Variants in CHRNA9 observed in about 807,000 individuals in gnomAD.
CHRNA9 encodes cholinergic receptor nicotinic alpha 9 subunit, also known as neuronal acetylcholine receptor subunit alpha-9.
In CHRNA9, 24 loss-of-function variants were observed where a neutral mutation model predicts 36.8. The observed-to-expected ratio is 0.65, with a 90% CI of 0.47 to 0.92. The LOEUF is 0.92. Ranked by LOEUF, CHRNA9 falls within the 40% of genes least tolerant of loss-of-function variation. The pLI, the probability that CHRNA9 is intolerant of heterozygous loss-of-function variation, is 0.00. For missense variants in CHRNA9, 610 were observed against 601.2 expected, an observed-to-expected ratio of 1.01 and a Z score of -0.15; for synonymous variants, 231 against 231.8, an observed-to-expected ratio of 1.00 and a Z score of 0.03.
chr4:40,353,376 A>T (rs1462613093), intron 4 of CHRNA9, among the ~76,000 whole-genome samples: 1 of 152,100 alleles, frequency 6.6e-6, no homozygotes, highest in Non-Finnish European at 1.5e-5. Context: ...CTGTAATCCC[A>T]GCTACTTGGG....
Position 40,351,464 on chromosome 4 carries a change from C to T in CHRNA9, c.898+2050C>T, listed in dbSNP as rs1320095790. 1.3e-5 allele frequency among the ~76,000 whole-genome samples: 2 copies of T among 152,078 alleles called. 1 individual carries two copies. The highest frequency in any genetic ancestry group is 4.1e-4 in the South Asian group (2 of 4,832). On this transcript the variant is annotated intron_variant, in intron 4 of 4. Coordinates refer to ENST00000310169, the MANE Select transcript of CHRNA9 (RefSeq NM_017581.4). ...GTGCTGGGATTACAGGTGTGAGCCA[C>T]CGCAACTGGCTGAAATTTATCTTTT...
At chr4:40,353,311 C>T (rs184112703) in intron 4 of CHRNA9, among the ~76,000 whole-genome samples, 1 of 152,078 alleles carries the variant, frequency 6.6e-6, no homozygotes, top group Non-Finnish European at 1.5e-5. Context: ...GCCAAGATGG[C>T]GAAACCCCCT....
chr4:40,339,279 C>CA (rs61634062), intron 3 of CHRNA9, among the ~76,000 whole-genome samples: 73 of 71,128 alleles, frequency 1.0e-3, no homozygotes, highest in Admixed American at 2.4e-3. Flanking sequence ...GACTCCATCT[C>CA]AAAAAAAAAA....
chr4:40,353,953 A>G (rs771362422), intron 4 of CHRNA9, 26 bp from the exon 5 acceptor site: 2 of 1,558,832 alleles, frequency 1.3e-6, no homozygotes, highest in Non-Finnish European at 8.7e-7. Context: ...AAGCAAATTC[A>G]GTTACGGTTG....
At chr4:40,344,148 G>C (rs139213032) in intron 3 of CHRNA9, among the ~76,000 whole-genome samples, 22 of 152,342 alleles carry the variant, frequency 1.4e-4, no homozygotes, top group African/African-American at 4.8e-4. Context: ...ATCTTCCCCT[G>C]GAGTCTCCAG....
chr4:40,352,136 A>G (rs1712818782), intron 4 of CHRNA9, among the ~76,000 whole-genome samples: 1 of 152,232 alleles, frequency 6.6e-6, no homozygotes, highest in South Asian at 2.1e-4. Context: ...TCCCATTTCT[A>G]TTAAAGTGTT....
At position 40,339,381 on chromosome 4, in the gene CHRNA9, A is replaced by T. The variant is rs865834190; in HGVS notation, c.365+2017A>T. Among the ~76,000 whole-genome samples the T allele has an allele frequency of 9.8e-3, 1,465 of 148,896 alleles. 35 individuals are homozygous for T. The highest frequency in any genetic ancestry group is 0.034 in the African/African-American group (1,381 of 40,500). ...AATTCTGTAAGTTCTTTTTTTTTTA[A>T]TTTTAAGACAGGGTCTGGGGGCCAG... On this transcript the variant is annotated intron_variant, in intron 3 of 4. Coordinates refer to ENST00000310169, the MANE Select transcript of CHRNA9 (RefSeq NM_017581.4).
intron 2 of CHRNA9, among the ~76,000 whole-genome samples, chr4:40,336,378 A>G (rs1408058841): frequency 6.6e-6 from 1 of 152,190 alleles, no homozygotes; most frequent in East Asian, 1.9e-4. Context: ...ATGATCTTGA[A>G]TTAGGCAGTG....
At chr4:40,350,555 C>G (rs912177991) in intron 4 of CHRNA9, among the ~76,000 whole-genome samples, 1 of 152,110 alleles carries the variant, frequency 6.6e-6, no homozygotes, top group Non-Finnish European at 1.5e-5. Flanking sequence ...AGAACACCAA[C>G]GAACTTAGAG....
chr4:40,350,985 T>C (rs1424490796), intron 4 of CHRNA9, among the ~76,000 whole-genome samples: 3 of 152,096 alleles, frequency 2.0e-5, no homozygotes, highest in South Asian at 2.1e-4. Context: ...ATGAAATTTA[T>C]CTTTTAAAAA....
intron 4 of CHRNA9, among the ~76,000 whole-genome samples, chr4:40,353,447 C>A (rs892998050): frequency 1.2e-4 from 18 of 151,096 alleles, no homozygotes; most frequent in African/African-American, 4.4e-4. Context: ...GCTGAGATTG[C>A]ACCACTGCAC....
rs2109691479 is a variant in CHRNA9, at chr4:40,354,022, T to C, written c.942T>C (p.Thr314=). 2 of 1,613,680 alleles carry C rather than the reference T, an allele frequency of 1.2e-6. No homozygotes were observed. The highest frequency in any genetic ancestry group is 2.2e-5 in the East Asian group (1 of 44,880). Residue 314 remains threonine, a synonymous_variant, in exon 5 of 5, where the codon ACT becomes ACC. Transcript: ENST00000310169. ...IATMALITAS[T]ALTIMVMNIH... ...CGATGGCCCTGATCACAGCCTCCAC[T>C]GCGTTGACCATCATGGTGATGAATA...
At chr4:40,346,738 G>T (rs1404266353) in intron 3 of CHRNA9, among the ~76,000 whole-genome samples, 1 of 151,874 alleles carries the variant, frequency 6.6e-6, no homozygotes, top group Non-Finnish European at 1.5e-5. Context: ...TCTAATGAGT[G>T]GAAACAATAA....
chr4:40,351,514 T>G (rs1712805647), intron 4 of CHRNA9, among the ~76,000 whole-genome samples: 1 of 152,026 alleles, frequency 6.6e-6, no homozygotes, highest in Middle Eastern at 3.2e-3. Flanking sequence ...ACAGATCTCT[T>G]GAGAACATTT....
chr4:40,353,982 A>G lies in CHRNA9; in HGVS notation c.902A>G (p.Lys301Arg), dbSNP rs753437644. 4.3e-5 allele frequency: 68 copies of G among 1,584,756 alleles called. No individual in the cohort carries two copies. The highest frequency in any genetic ancestry group is 5.5e-5 in the Non-Finnish European group (64 of 1,162,944). ...PASENVPLIG[K>R]YYIATMALIT... ...ACGGTTGTTATTTTAATTCCAGGTA[A>G]ATACTACATAGCCACGATGGCCCTG... The change falls in exon 5 of 5, where the codon AAA becomes AGA. Residue 301 changes from lysine (K) to arginine (R), a missense_variant. By Grantham distance (26) the Lys-to-Arg change is conservative. Transcript: ENST00000310169.
In CHRNA9 at chr4:40,335,906, A is replaced by G. The variant is rs902191804; in HGVS notation, c.144A>G (p.Pro48=). Residue 48 remains proline, a synonymous_variant, in exon 2 of 5, where the codon CCA becomes CCG. Transcript: ENST00000310169. ...AAGATTATTCTAATGCTCTTCGTCC[A>G]GTGGAAGATACAGATAAAGTCCTGA... ...LFEDYSNALR[P]VEDTDKVLNV... is the part of the protein sequence containing the mutation. The G allele has an allele frequency of 1.2e-6, 2 of 1,612,088 alleles. No individual in the cohort carries two copies. Among genetic ancestry groups the G allele is most frequent in the Middle Eastern group, 1.6e-4 (1 of 6,082 alleles).
intron 3 of CHRNA9, among the ~76,000 whole-genome samples, chr4:40,347,567 A>AT (rs1440161011): frequency 6.6e-6 from 1 of 151,954 alleles, no homozygotes; most frequent in African/African-American, 2.4e-5. Flanking sequence ...TTTCCCTTTT[A>AT]TTTTTTTGCA....
intron 3 of CHRNA9, among the ~76,000 whole-genome samples, chr4:40,342,558 G>A (rs1712527410): frequency 6.6e-6 from 1 of 152,182 alleles, no homozygotes; most frequent in Non-Finnish European, 1.5e-5. Context: ...AGGGAAGAGA[G>A]GATGTCTAGG....
At position 40,354,539 on chromosome 4, in the gene CHRNA9, C is replaced by A; in HGVS notation, c.*19C>A. The A allele has an allele frequency of 6.4e-7, 1 of 1,565,494 alleles. No individual in the cohort carries two copies. Among genetic ancestry groups the A allele is most frequent in the Non-Finnish European group, 8.7e-7 (1 of 1,145,760 alleles). ...GGATTAGTCACAGATATTGGCTTTG[C>A]TATCTGGGTAGAAATTAATACAATT... is the stretch of plus-strand genomic sequence containing the variant. On this transcript the variant is annotated 3_prime_UTR_variant, in exon 5 of 5. Coordinates refer to ENST00000310169, the MANE Select transcript of CHRNA9 (RefSeq NM_017581.4).
Sources: allele counts gnomAD v4.1 joint callset (sites outside exome capture counted in the v4.1 genomes callset), GRCh38; gene constraint gnomAD v4.1.1; transcripts MANE v1.5; gene names NCBI Gene and HGNC (gene_info 2026-07-23, HGNC 2026-07-21).